CDH26: variants seen among roughly 807,000 people sequenced by gnomAD.
CDH26 encodes cadherin-like protein 26.
A neutral mutation model predicts 90.3 loss-of-function variants in CDH26; 83 were observed. That is an observed-to-expected ratio of 0.92 (90% CI 0.77 to 1.10). The LOEUF is 1.10. Ranked by LOEUF, CDH26 falls within the 50% of genes least tolerant of loss-of-function variation. CDH26 has a pLI of 0.00. For missense variants in CDH26, 1,013 were observed against 1,037.6 expected (o/e 0.98, Z 0.33); for synonymous variants, 397 against 396.3 (o/e 1.00, Z -0.02).
downstream of CDH26, among the ~76,000 whole-genome samples, chr20:60,017,532 C>T (rs2061916081): frequency 6.6e-6 from 1 of 151,874 alleles, no homozygotes; most frequent in South Asian, 2.1e-4. Flanking sequence ...TTGTTGATTT[C>T]ATTTATTTTT....
chr20:60,015,114 A>G (rs766653686), downstream of CDH26, among the ~76,000 whole-genome samples: 1 of 152,194 alleles, frequency 6.6e-6, no homozygotes, highest in Non-Finnish European at 1.5e-5. Context: ...CCTCCCAAGT[A>G]GCTGGGACTT....
At chr20:60,026,060 C>G (rs564433099) in intron 7 of CDH26, among the ~76,000 whole-genome samples, 3 of 151,930 alleles carry the variant, frequency 2.0e-5, no homozygotes, top group Non-Finnish European at 2.9e-5. Context: ...ATGCATGGCC[C>G]GAAAAAGGCT....
At chr20:59,979,601 CTTTTTTTTTTTTTTTTTTTTTTTTTTTT>C (rs559969476) in intron 4 of CDH26, among the ~76,000 whole-genome samples, 12 of 47,498 alleles carry the variant, frequency 2.5e-4, no homozygotes, top group Admixed American at 2.2e-3. Flanking sequence ...CTGCTATGCA[CTTTTTTTTTTTTTTTTTTTTTTTTTTTT>C]TTTTTTTTTT....
Position 60,001,652 on chromosome 20 carries a change from C to T in CDH26, c.2166+241C>T, listed in dbSNP as rs948934996. The T allele has an allele frequency of 6.0e-5, 58 of 969,386 alleles. No homozygotes were observed. In the Admixed American group the frequency reaches 8.6e-4, roughly 14 times the overall value. 60.0% of individuals were successfully genotyped at this position (969,386 alleles called of 1,614,324 possible). A position where few individuals can be genotyped will look rare whatever the true frequency, so the allele number is the denominator to read the frequency against. Reference sequence around the variant, plus strand: ...GTTTGATAATCCTGATCAAATATGACACTTTTTAGAGCATCCACAAATAGA... The same window carrying T: ...GTTTGATAATCCTGATCAAATATGATACTTTTTAGAGCATCCACAAATAGA... On this transcript the variant is annotated intron_variant, in intron 15 of 17. Coordinates refer to ENST00000348616, the MANE Select transcript of CDH26 (RefSeq NM_177980.4).
Position 59,982,912 on chromosome 20 carries a change from C to T in CDH26, c.394-11C>T, listed in dbSNP as rs1192082980. ...GGTTCTGCAGGATTTTTACAGCTCTCTGCTTCCTAGGTTTATTTTGATGTT... is the reference window on the plus strand; with the variant it reads ...GGTTCTGCAGGATTTTTACAGCTCTTTGCTTCCTAGGTTTATTTTGATGTT... On this transcript the variant is annotated splice_polypyrimidine_tract_variant and intron_variant, in intron 4 of 17. Transcript: ENST00000348616. 3 of 1,611,482 alleles carry T rather than the reference C, an allele frequency of 1.9e-6. No individual in the cohort carries two copies. The highest frequency in any genetic ancestry group is 2.7e-5 in the African/African-American group (2 of 74,732).
At chr20:59,960,565 A>G (rs1038805236) in intron 1 of CDH26, among the ~76,000 whole-genome samples, 10 of 152,242 alleles carry the variant, frequency 6.6e-5, no homozygotes, top group African/African-American at 2.4e-4. Flanking sequence ...CACAAAAAAT[A>G]CTTTTTCGAA....
chr20:60,005,546 T>C (rs796585339), intron 16 of CDH26, among the ~76,000 whole-genome samples: 10 of 152,282 alleles, frequency 6.6e-5, no homozygotes, highest in African/African-American at 2.4e-4. Flanking sequence ...ACATACATAA[T>C]TGCCCCAGGC....
rs192292196 is a variant in CDH26 at position 60,033,444 on chromosome 20, C to T, written c.1144-42C>T. 232 of 1,291,720 alleles carry T rather than the reference C, an allele frequency of 1.8e-4. No individual in the cohort carries two copies. In the Admixed American group the frequency reaches 4.6e-3, roughly 26 times the overall value. 80.0% of individuals were successfully genotyped at this position (1,291,720 alleles called of 1,614,324 possible). On this transcript the variant is annotated intron_variant, in intron 8 of 8. Coordinates refer to the CDH26 transcript ENST00000370991. Reference sequence around the variant, plus strand: ...TAAGCCTGTGTTACCATTTTGCCTACGTTATTTAATTCTCACTTTCTGTTT... The same window carrying T: ...TAAGCCTGTGTTACCATTTTGCCTATGTTATTTAATTCTCACTTTCTGTTT...
At chr20:59,967,399 A>C (rs546725099) in intron 1 of CDH26, among the ~76,000 whole-genome samples, 58 of 152,330 alleles carry the variant, frequency 3.8e-4, no homozygotes, top group African/African-American at 1.3e-3. Context: ...AAAAGGTTTT[A>C]TTAAAAATGT....
Position 60,030,570 on chromosome 20 carries a change from A to G in CDH26, c.948-661A>G, listed in dbSNP as rs374494564. ...GTAGCCCACCCCGTTGGCCACCACT[A>G]TTAGTTCAGAGATGTGCATTTTACC... On this transcript the variant is annotated intron_variant, in intron 7 of 8. Coordinates refer to the CDH26 transcript ENST00000370991. The surrounding 1 kb of genome is among the most constrained non-coding windows in gnomAD (Gnocchi z 4.0). 5.3e-5 allele frequency among the ~76,000 whole-genome samples: 8 copies of G among 152,254 alleles called. No individual in the cohort carries two copies. The highest frequency in any genetic ancestry group is 1.7e-4 in the African/African-American group (7 of 41,564).
In CDH26 at chr20:60,012,174, G is replaced by T. The variant is rs147587596; in HGVS notation, c.2296-353G>T. ...AGAGGGGACAGTTGTCCAAACGAGGGCCGGGGGGTCATGGAAGGGGAGGTG... is the reference window on the plus strand; with the variant it reads ...AGAGGGGACAGTTGTCCAAACGAGGTCCGGGGGGTCATGGAAGGGGAGGTG... On this transcript the variant is annotated intron_variant, in intron 17 of 17. Coordinates refer to ENST00000348616, the MANE Select transcript of CDH26 (RefSeq NM_177980.4). Among the ~76,000 whole-genome samples the T allele has an allele frequency of 8.5e-5, 13 of 152,214 alleles. No homozygotes were observed. The East Asian group carries it at 2.3e-3, about 27-fold the overall frequency.
chr20:60,012,661 G>T lies in CDH26; in HGVS notation c.2430G>T (p.Leu810Phe). 6.2e-7 allele frequency: 1 copy of T among 1,614,002 alleles called. No individual in the cohort carries two copies. The highest frequency in any genetic ancestry group is 8.5e-7 in the Non-Finnish European group (1 of 1,180,012). The change falls in exon 18 of 18, where the codon TTG becomes TTT. Residue 810 changes from leucine (L) to phenylalanine (F), a missense_variant. Coordinates refer to ENST00000348616, the MANE Select transcript of CDH26 (RefSeq NM_177980.4). ...TGGAACAGGAGTTGCAACCTGATTT[G>T]CTGGACTCTTTGGGTTCAAAAGCGA... Reference protein sequence around the residue: ...ASLEQELQPDLLDSLGSKATP... With the variant: ...ASLEQELQPDFLDSLGSKATP...
chr20:59,979,778 C>T (rs891674305), intron 4 of CDH26, among the ~76,000 whole-genome samples: 2 of 151,720 alleles, frequency 1.3e-5, no homozygotes, highest in Admixed American at 1.3e-4. Flanking sequence ...AGGCACCCAC[C>T]ACCACACCTG....
intron 13 of CDH26, among the ~76,000 whole-genome samples, chr20:59,998,845 G>A (rs553575430): frequency 1.9e-3 from 292 of 152,242 alleles, no homozygotes; most frequent in Non-Finnish European, 3.4e-3. Context: ...AAGGGTGGCC[G>A]CCAATATTAG....
chr20:59,966,179 C>A (rs1039665517), intron 1 of CDH26, among the ~76,000 whole-genome samples: 1 of 136,028 alleles, frequency 7.4e-6, no homozygotes, highest in Admixed American at 8.1e-5. Flanking sequence ...GATACCCTGG[C>A]GTGAATCATC....
rs2061667113 is a variant in CDH26, at chr20:60,000,845, ATAC to A, written c.2098-496_2098-494del. ...CACTTATGATTTATGGGGTAACCTG[ATAC>A]TTTAAAATCTGCTGGATAGTGTGAA... On this transcript the variant is annotated intron_variant, in intron 14 of 17. Transcript: ENST00000348616. 2.6e-5 allele frequency among the ~76,000 whole-genome samples: 4 copies of A among 152,214 alleles called. No individual in the cohort carries two copies. The South Asian group carries it at 8.3e-4, about 32-fold the overall frequency.
rs757813328 is a variant in CDH26 at position 60,021,849 on chromosome 20, TACACACACACACACACACACACACACAC to T, written c.948-9360_948-9333del. On this transcript the variant is annotated intron_variant, in intron 7 of 8. Transcript: ENST00000370991. ...ATTTTGAAGCCGATATCCTTATCTGTACACACACACACACACACACACACACACACACACACACACACACACACATATA... is the reference window on the plus strand; with the variant it reads ...ATTTTGAAGCCGATATCCTTATCTGTACACACACACACACACACACATATA... 3.1e-3 allele frequency among the ~76,000 whole-genome samples: 131 copies of T among 42,628 alleles called. 3 individuals are homozygous for T. The highest frequency in any genetic ancestry group is 7.8e-3 in the African/African-American group (121 of 15,476). 28.0% of individuals were successfully genotyped at this position (42,628 alleles called of 152,430 possible).
intron 9 of CDH26, among the ~76,000 whole-genome samples, chr20:59,990,819 A>C (rs1436650363): frequency 6.6e-6 from 1 of 151,662 alleles, no homozygotes. Context: ...CTCTGGGGGA[A>C]CTTGTTAAAA....
chr20:59,958,508 T>C lies in CDH26; in HGVS notation c.-219T>C. On this transcript the variant is annotated 5_prime_UTR_variant, in exon 1 of 18. An upstream start codon of the reference 5' UTR is lost. Coordinates refer to ENST00000348616, the MANE Select transcript of CDH26 (RefSeq NM_177980.4). The stretch of plus-strand genomic sequence containing the variant: ...AGGAACTCTACTTGTGGCAAACGTA[T>C]GTTCAAGCTTACAAGTCAGCCCACC... The C allele has an allele frequency of 3.4e-6, 2 of 584,114 alleles. No individual in the cohort carries two copies. Among genetic ancestry groups the C allele is most frequent in the Non-Finnish European group, 6.2e-6 (2 of 325,072 alleles). The allele number at this position is 584,114 out of a possible 1,614,324, so 36.2% of individuals were successfully genotyped here. A position where few individuals can be genotyped will look rare whatever the true frequency, so the allele number is the denominator to read the frequency against.
Sources: gnomAD v4.1 joint callset for allele counts (sites outside exome capture counted in the v4.1 genomes callset) on GRCh38, gnomAD v4.1.1 for gene constraint, Gnocchi (gnomAD v3.1) non-coding constraint, MANE v1.5 for transcripts, NCBI Gene and HGNC (gene_info 2026-07-23, HGNC 2026-07-21) for gene names.